SPHKAP: variants seen among roughly 807,000 people sequenced by gnomAD.
SPHKAP encodes SPHK1 interactor, AKAP domain containing, also known as A-kinase anchor protein SPHKAP.
SPHKAP carries 67 observed loss-of-function variants against 137.5 expected under a neutral mutation model. That is an observed-to-expected ratio of 0.49 (90% CI 0.40 to 0.60). The LOEUF (loss-of-function observed/expected upper bound fraction) is 0.60. Ranked by LOEUF, SPHKAP falls within the 20% of genes least tolerant of loss-of-function variation. The probability of loss-of-function intolerance (pLI) is 0.00; values close to 1 mark genes in which losing one functional copy is unlikely to be tolerated. For synonymous variants in SPHKAP, 813 were observed against 785.3 expected, an observed-to-expected ratio of 1.04 and a Z score of -0.59; for missense variants, 2,097 against 2,069.3, an observed-to-expected ratio of 1.01 and a Z score of -0.26.
chr2:227,994,382 CTGTT>C (rs910768751), intron 8 of SPHKAP, among the ~76,000 whole-genome samples: 16 of 152,182 alleles, frequency 1.1e-4, no homozygotes, highest in African/African-American at 3.9e-4. Context: ...TTTTTAGGCT[CTGTT>C]TGTGCTTGTG....
At chr2:228,008,930 C>T (rs141625734) in intron 7 of SPHKAP, among the ~76,000 whole-genome samples, 1 of 152,220 alleles carries the variant, frequency 6.6e-6, no homozygotes, top group African/African-American at 2.4e-5. Flanking sequence ...TTTGTTCTTC[C>T]TCTTCAATCT....
intron 7 of SPHKAP, among the ~76,000 whole-genome samples, chr2:228,009,372 G>T (rs544205059): frequency 6.6e-6 from 1 of 152,078 alleles, no homozygotes; most frequent in African/African-American, 2.4e-5. Context: ...CCTGCTTAGA[G>T]TTATATTTCT....
In SPHKAP at chr2:228,018,234, C is replaced by G. The variant is rs1694687504; in HGVS notation, c.2620G>C (p.Glu874Gln). The G allele has an allele frequency of 1.9e-6, 3 of 1,614,042 alleles. No individual in the cohort carries two copies. Among genetic ancestry groups the G allele is most frequent in the South Asian group, 1.1e-5 (1 of 91,082 alleles). ...TVSQSRSGSQ[E>Q]AEESIHPNTQ... is the part of the protein sequence containing the mutation. ...TTTGGGTGGATACTCTCCTCAGCCT[C>G]CTGGGAACCACTTCTGGACTGGCTG... Residue 874 changes from glutamate (E) to glutamine (Q), a missense_variant, in exon 7 of 12, where the codon GAG (glutamate) becomes CAG (glutamine). Physicochemically the swap from Glu to Gln is conservative, Grantham distance 29 (BLOSUM62 2). Coordinates refer to ENST00000392056, the MANE Select transcript of SPHKAP (RefSeq NM_001142644.2).
intron 1 of SPHKAP, among the ~76,000 whole-genome samples, chr2:228,150,346 T>G (rs1235287132): frequency 6.6e-6 from 1 of 152,190 alleles, no homozygotes; most frequent in Non-Finnish European, 1.5e-5. Context: ...ATTTGTATAC[T>G]ATTGGAATTA....
chr2:228,100,362 A>G (rs908833359), intron 3 of SPHKAP, among the ~76,000 whole-genome samples: 3 of 152,180 alleles, frequency 2.0e-5, no homozygotes, highest in Non-Finnish European at 4.4e-5. Context: ...TAGGACATCC[A>G]GTACAATGTT....
At position 228,181,655 on chromosome 2, in the gene SPHKAP, G is replaced by T; in HGVS notation, c.-57C>A. ...AAGTGCAGGCGAAGGATAAGTCTGT[G>T]GTGCTAGGACCCAGCTCCCAGAGTG... On this transcript the variant is annotated 5_prime_UTR_variant, in exon 1 of 12. Coordinates refer to ENST00000392056, the MANE Select transcript of SPHKAP (RefSeq NM_001142644.2). This position sits in a 1 kb window ranked among gnomAD's most constrained non-coding sequence, Gnocchi z 4.3. 28 of 1,614,096 alleles carry T rather than the reference G, an allele frequency of 1.7e-5. No individual in the cohort carries two copies. The highest frequency in any genetic ancestry group is 2.4e-5 in the Non-Finnish European group (28 of 1,179,990).
intron 1 of SPHKAP, among the ~76,000 whole-genome samples, chr2:228,153,400 A>G (rs1699997976): frequency 6.6e-6 from 1 of 152,152 alleles, no homozygotes; most frequent in African/African-American, 2.4e-5. Context: ...AATCCTGTGT[A>G]ATATTCTTCA....
At chr2:228,083,042 G>A (rs1297664011) in intron 3 of SPHKAP, among the ~76,000 whole-genome samples, 3 of 152,054 alleles carry the variant, frequency 2.0e-5, no homozygotes, top group Non-Finnish European at 4.4e-5. Context: ...ACTTCATACA[G>A]AACTTCTCAG....
At chr2:228,057,681 G>A (rs1696494868) in intron 3 of SPHKAP, among the ~76,000 whole-genome samples, 1 of 152,168 alleles carries the variant, frequency 6.6e-6, no homozygotes, top group Non-Finnish European at 1.5e-5. Context: ...TGTGGCAAGA[G>A]GGAGCATAGC....
At position 227,980,431 on chromosome 2, in the gene SPHKAP, G is replaced by C. The variant is rs1232871159; in HGVS notation, c.*1286C>G. ...TGTGATCTTTAAAAATAGAGTAAAA[G>C]TATAGTTATCCAGAAGTCCTTAATA... On this transcript the variant is annotated 3_prime_UTR_variant, in exon 12 of 12. Coordinates refer to ENST00000392056, the MANE Select transcript of SPHKAP (RefSeq NM_001142644.2). The C allele has an allele frequency of 6.6e-6, 1 of 152,110 alleles. No individual in the cohort carries two copies. Among genetic ancestry groups the C allele is most frequent in the Non-Finnish European group, 1.5e-5 (1 of 68,020 alleles). 9.4% of individuals were successfully genotyped at this position (152,110 alleles called of 1,614,324 possible).
intron 3 of SPHKAP, among the ~76,000 whole-genome samples, chr2:228,094,047 C>T (rs1366134723): frequency 2.0e-5 from 3 of 151,628 alleles, no homozygotes; most frequent in Admixed American, 6.6e-5. Context: ...TGAGAATAAC[C>T]AACAATCTAA....
chr2:228,043,369 C>G (rs1423218141), intron 3 of SPHKAP, among the ~76,000 whole-genome samples: 1 of 152,206 alleles, frequency 6.6e-6, no homozygotes, highest in Non-Finnish European at 1.5e-5. Flanking sequence ...CTTTGTCGCC[C>G]AGGCTGGAGT....
At chr2:228,032,788 G>A (rs1388509457) in intron 3 of SPHKAP, among the ~76,000 whole-genome samples, 1 of 152,138 alleles carries the variant, frequency 6.6e-6, no homozygotes, top group South Asian at 2.1e-4. Context: ...AGCTTCATAA[G>A]TGAAGGAGAA....
chr2:227,994,271 G>T (rs1300964927), intron 8 of SPHKAP, among the ~76,000 whole-genome samples: 1 of 152,094 alleles, frequency 6.6e-6, no homozygotes, highest in Non-Finnish European at 1.5e-5. Flanking sequence ...TGTAGAGAGG[G>T]AGGACCACAG....
At chr2:228,036,678 A>G (rs1419649803) in intron 3 of SPHKAP, among the ~76,000 whole-genome samples, 1 of 152,248 alleles carries the variant, frequency 6.6e-6, no homozygotes, top group African/African-American at 2.4e-5. Flanking sequence ...TGTGGCACAT[A>G]TACACCATGG....
chr2:228,043,198 C>A (rs1695915285), intron 3 of SPHKAP, among the ~76,000 whole-genome samples: 1 of 152,138 alleles, frequency 6.6e-6, no homozygotes, highest in Admixed American at 6.5e-5. Flanking sequence ...TGAGCAAATG[C>A]CAGCTTGTAT....
At chr2:228,088,996 G>T (rs1697629918) in intron 3 of SPHKAP, among the ~76,000 whole-genome samples, 1 of 152,152 alleles carries the variant, frequency 6.6e-6, no homozygotes, top group Admixed American at 6.5e-5. Context: ...TTGCTATAAA[G>T]ATACCTAAAA....
At chr2:228,094,210 G>A (rs531016005) in intron 3 of SPHKAP, among the ~76,000 whole-genome samples, 7 of 152,250 alleles carry the variant, frequency 4.6e-5, no homozygotes. Context: ...TTGGAGCGGG[G>A]AACCAACCGG....
At chr2:228,110,280 C>T (rs893007008) in intron 2 of SPHKAP, among the ~76,000 whole-genome samples, 1 of 151,526 alleles carries the variant, frequency 6.6e-6, no homozygotes, top group African/African-American at 2.4e-5. Flanking sequence ...TAATATTACT[C>T]ATCTAAAAAT....
Sources: allele counts gnomAD v4.1 joint callset (sites outside exome capture counted in the v4.1 genomes callset), GRCh38; gene constraint gnomAD v4.1.1; non-coding constraint Gnocchi (gnomAD v3.1); transcripts MANE v1.5; gene names NCBI Gene and HGNC (gene_info 2026-07-23, HGNC 2026-07-21).